CDKL1: variants seen among roughly 807,000 people sequenced by gnomAD.
The protein encoded by CDKL1 is cyclin dependent kinase like 1.
A neutral mutation model predicts 42.0 loss-of-function variants in CDKL1; 41 were observed. The observed-to-expected ratio is 0.98, with a 90% confidence interval of 0.76 to 1.27. The LOEUF (loss-of-function observed/expected upper bound fraction) is 1.27. CDKL1 is among the 50% of genes most tolerant of loss of function. The pLI is 0.00. For synonymous variants in CDKL1, 153 were observed against 158.6 expected (o/e 0.96, Z 0.26); for missense variants, 394 against 428.4 (o/e 0.92, Z 0.71).
At chr14:50,374,760 TG>T in intron 2 of CDKL1, among the ~76,000 whole-genome samples, 1 of 152,340 alleles carries the variant, frequency 6.6e-6, no homozygotes, top group African/African-American at 2.4e-5. Flanking sequence ...CTCTGTCAGC[TG>T]AAAGGGCCTA....
intron 7 of CDKL1, among the ~76,000 whole-genome samples, chr14:50,336,546 CCTT>C (rs1260787332): frequency 1.3e-5 from 2 of 152,078 alleles, no homozygotes; most frequent in Non-Finnish European, 2.9e-5. Context: ...GAAGCAGAAA[CCTT>C]CATTGTGGGA....
chr14:50,337,925 C>G (rs780444751), intron 7 of CDKL1, among the ~76,000 whole-genome samples: 6 of 152,148 alleles, frequency 3.9e-5, no homozygotes, highest in Non-Finnish European at 5.9e-5. Context: ...CCTGCCTCAG[C>G]CTCCCAAAAT....
chr14:50,378,045 T>G (rs1388084906), intron 2 of CDKL1: 1 of 829,794 alleles, frequency 1.2e-6, no homozygotes, highest in African/African-American at 1.8e-5. Flanking sequence ...GAAAAGAGAA[T>G]CATCCTGAGA....
intron 2 of CDKL1, among the ~76,000 whole-genome samples, chr14:50,366,918 G>A (rs951625801): frequency 2.6e-5 from 4 of 152,160 alleles, no homozygotes; most frequent in Admixed American, 1.3e-4. Flanking sequence ...TTGAATTGGT[G>A]GGGATCTGAG....
chr14:50,362,311 A>G, intron 2 of CDKL1: 1 of 345,876 alleles, frequency 2.9e-6, no homozygotes, highest in Non-Finnish European at 5.8e-6. Context: ...AGGCAGCTCC[A>G]CCTGTGGCCT....
At chr14:50,342,268 A>T in intron 4 of CDKL1, 46 bp from the exon 5 acceptor site, 1 of 1,550,312 alleles carries the variant, frequency 6.5e-7, no homozygotes, top group Non-Finnish European at 8.9e-7. Context: ...GCTGAACTAT[A>T]TATGGGATAA....
At chr14:50,378,433 C>T in intron 2 of CDKL1, 5 of 1,365,978 alleles carry the variant, frequency 3.7e-6, no homozygotes, top group Non-Finnish European at 4.9e-6. Flanking sequence ...AAATGTAAGG[C>T]TGGAAAAGGG....
chr14:50,341,282 C>A (rs1410805598), intron 5 of CDKL1, 50 bp from the exon 6 acceptor site: 1 of 1,544,130 alleles, frequency 6.5e-7, no homozygotes, highest in Non-Finnish European at 8.8e-7. Context: ...AGGCTGGAAT[C>A]AAAACTGAGG....
At chr14:50,343,152 TTAC>T in intron 4 of CDKL1, 1 of 553,022 alleles carries the variant, frequency 1.8e-6, no homozygotes, top group South Asian at 2.1e-5. Context: ...TAATTAAGAG[TTAC>T]TTTTTTTTTT....
chr14:50,381,929 T>C (rs1378163796), intron 2 of CDKL1, among the ~76,000 whole-genome samples: 2 of 152,194 alleles, frequency 1.3e-5, no homozygotes, highest in Non-Finnish European at 2.9e-5. Flanking sequence ...TGAGCCACTG[T>C]GCCTGGCCAG....
At chr14:50,381,095 T>C (rs976663372) in intron 2 of CDKL1, among the ~76,000 whole-genome samples, 1 of 152,192 alleles carries the variant, frequency 6.6e-6, no homozygotes, top group Non-Finnish European at 1.5e-5. Flanking sequence ...CTCTGCCTAA[T>C]TTACCAAGTG....
At chr14:50,364,971 T>C (rs1315605452) in intron 2 of CDKL1, among the ~76,000 whole-genome samples, 3 of 152,174 alleles carry the variant, frequency 2.0e-5, no homozygotes, top group African/African-American at 7.2e-5. Context: ...TAATTATAGC[T>C]ATGATAAATG....
chr14:50,339,556 GGGAA>G (rs2033437604), intron 6 of CDKL1, among the ~76,000 whole-genome samples: 1 of 151,176 alleles, frequency 6.6e-6, no homozygotes, highest in Non-Finnish European at 1.5e-5. Context: ...GGGAGGGGAA[GGGAA>G]GGAAGGAAGA....
intron 7 of CDKL1, chr14:50,336,036 T>C: frequency 7.3e-7 from 1 of 1,366,486 alleles, no homozygotes; most frequent in African/African-American, 1.5e-5. Context: ...TTTCTGTCGG[T>C]TGAATCTGAG....
intron 2 of CDKL1, among the ~76,000 whole-genome samples, chr14:50,394,771 C>T (rs2035351057): frequency 6.7e-6 from 1 of 148,748 alleles, no homozygotes; most frequent in Non-Finnish European, 1.5e-5. Flanking sequence ...GAAAAACACA[C>T]TTTCAGCTTG....
upstream of CDKL1, chr14:50,397,022 G>A: frequency 8.1e-7 from 1 of 1,229,490 alleles, no homozygotes; most frequent in Non-Finnish European, 1.1e-6. Context: ...GAAAGGCCTC[G>A]GAGGGCCGCC....
chr14:50,341,553 T>C (rs2033540036), intron 5 of CDKL1, among the ~76,000 whole-genome samples: 1 of 144,146 alleles, frequency 6.9e-6, no homozygotes, highest in South Asian at 2.2e-4. Context: ...CCGAGGTAGG[T>C]GGTTTGCTTC....
chr14:50,377,863 C>A (rs1350639734), intron 2 of CDKL1: 2 of 542,706 alleles, frequency 3.7e-6, no homozygotes, highest in Non-Finnish European at 5.6e-6. Flanking sequence ...CACGAACAGT[C>A]ATCTGTGGGA....
intron 2 of CDKL1, among the ~76,000 whole-genome samples, chr14:50,368,404 C>T (rs1201442059): frequency 6.6e-6 from 1 of 152,046 alleles, no homozygotes; most frequent in Non-Finnish European, 1.5e-5. Flanking sequence ...TACAGGTGCA[C>T]ACCATCATAA....
Sources: allele counts gnomAD v4.1 joint callset (sites outside exome capture counted in the v4.1 genomes callset), GRCh38; gene constraint gnomAD v4.1.1; transcripts MANE v1.5; gene names NCBI Gene and HGNC (gene_info 2026-07-23, HGNC 2026-07-21).